The following ACOXL variants were observed in gnomAD, a reference collection of about 807,000 sequenced individuals.
ACOXL encodes acyl-CoA oxidase like, also known as acyl-coenzyme A oxidase-like protein.
In ACOXL, 70 loss-of-function variants were observed where a neutral mutation model predicts 71.9. That is an observed-to-expected ratio of 0.97 (90% CI 0.80 to 1.19). The LOEUF (loss-of-function observed/expected upper bound fraction) is 1.19, where lower values mean the gene tolerates loss of function less well. Among genes scored for constraint, ACOXL ranks in the 50% most tolerant of loss-of-function variants. The probability of loss-of-function intolerance (pLI) is 0.00; values close to 1 mark genes in which losing one functional copy is unlikely to be tolerated. For synonymous variants in ACOXL, 253 were observed against 281.6 expected (o/e 0.90, Z 1.02); for missense variants, 703 against 736.3 (o/e 0.95, Z 0.52).
chr2:111,045,742 G>A (rs2065988872), intron 15 of ACOXL, among the ~76,000 whole-genome samples: 1 of 152,174 alleles, frequency 6.6e-6, no homozygotes, highest in African/African-American at 2.4e-5. Context: ...GACATCTGGG[G>A]TGAGGGGAAA....
chr2:111,095,397 T>C (rs1248068012), intron 17 of ACOXL, among the ~76,000 whole-genome samples: 7 of 145,268 alleles, frequency 4.8e-5, no homozygotes, highest in South Asian at 4.5e-4. Context: ...TTTTCTTTTT[T>C]TTTTTTTTTT....
intron 1 of ACOXL, among the ~76,000 whole-genome samples, chr2:110,740,662 A>G (rs556539425): frequency 2.0e-5 from 3 of 152,322 alleles, no homozygotes; most frequent in African/African-American, 7.2e-5. Context: ...TTTTATGAGC[A>G]TTTATTGGAT....
intron 9 of ACOXL, among the ~76,000 whole-genome samples, chr2:110,827,401 G>A (rs936001915): frequency 1.3e-5 from 2 of 152,208 alleles, no homozygotes; most frequent in African/African-American, 4.8e-5. Flanking sequence ...GCTGGCATGT[G>A]GCGGGCCGTG....
At chr2:111,025,864 T>C (rs892963901) in intron 14 of ACOXL, among the ~76,000 whole-genome samples, 2 of 152,246 alleles carry the variant, frequency 1.3e-5, no homozygotes, top group African/African-American at 4.8e-5. Context: ...GGTTTTCATC[T>C]AGAAACTTTG....
intron 1 of ACOXL, among the ~76,000 whole-genome samples, chr2:110,741,490 A>G (rs1022135207): frequency 6.6e-6 from 1 of 152,194 alleles, no homozygotes; most frequent in Non-Finnish European, 1.5e-5. Context: ...GGGGGACACT[A>G]TTCAGCTTGT....
intron 11 of ACOXL, among the ~76,000 whole-genome samples, chr2:110,914,406 A>G (rs1053772509): frequency 4.6e-5 from 7 of 152,330 alleles, no homozygotes; most frequent in South Asian, 2.1e-4. Context: ...GTAATGTTTT[A>G]TAATTTACAG....
intron 12 of ACOXL, among the ~76,000 whole-genome samples, chr2:110,948,669 C>T (rs912459377): frequency 7.1e-6 from 1 of 141,020 alleles, no homozygotes; most frequent in Non-Finnish European, 1.5e-5. Flanking sequence ...TAAGACCACT[C>T]AGGAGCCAGG....
intron 9 of ACOXL, among the ~76,000 whole-genome samples, chr2:110,827,537 G>A (rs1689306945): frequency 6.6e-6 from 1 of 152,184 alleles, no homozygotes; most frequent in Admixed American, 6.5e-5. Context: ...TGGCCACTGA[G>A]CACTGAGAGT....
chr2:110,739,298 T>G (rs1677227750), intron 1 of ACOXL, among the ~76,000 whole-genome samples: 4 of 152,204 alleles, frequency 2.6e-5, no homozygotes, highest in Admixed American at 2.6e-4. Context: ...ATTCCTCCAG[T>G]GATGAATCTT....
intron 16 of ACOXL, among the ~76,000 whole-genome samples, chr2:111,075,736 T>A (rs532003169): frequency 1.3e-5 from 2 of 152,224 alleles, no homozygotes; most frequent in East Asian, 3.9e-4. Context: ...CTACTTTTCC[T>A]GCACCCCACA....
Position 111,050,115 on chromosome 2 carries a change from C to T in ACOXL, c.1440+827C>T, listed in dbSNP as rs191668659. On this transcript the variant is annotated intron_variant, in intron 16 of 17. Transcript: ENST00000439055. ...CTTCAGTGCTGTACCACCAGGAAAC[C>T]GCGTGCACCAGGAATTGCATTTCTT... 1.7e-3 allele frequency among the ~76,000 whole-genome samples: 262 copies of T among 152,182 alleles called. 2 individuals carry two copies. The highest frequency in any genetic ancestry group is 6.0e-3 in the African/African-American group (249 of 41,512).
At chr2:110,826,031 C>T (rs185452855) in intron 9 of ACOXL, among the ~76,000 whole-genome samples, 90 of 152,308 alleles carry the variant, frequency 5.9e-4, no homozygotes, top group African/African-American at 2.1e-3. Context: ...TACAAAAGGA[C>T]AGTGACAGCC....
chr2:111,022,074 C>T (rs780714208), intron 14 of ACOXL, among the ~76,000 whole-genome samples: 3 of 152,114 alleles, frequency 2.0e-5, no homozygotes, highest in South Asian at 2.1e-4. Flanking sequence ...ATAGGAAGGC[C>T]GGACGTGGTG....
intron 16 of ACOXL, among the ~76,000 whole-genome samples, chr2:111,084,987 C>T (rs1362527014): frequency 6.6e-6 from 1 of 150,496 alleles, no homozygotes; most frequent in Admixed American, 6.6e-5. Flanking sequence ...CAAAGAAGGA[C>T]ATTACACAAT....
At chr2:110,828,954 G>A (rs976647202) in intron 9 of ACOXL, among the ~76,000 whole-genome samples, 2 of 152,142 alleles carry the variant, frequency 1.3e-5, no homozygotes, top group Admixed American at 1.3e-4. Flanking sequence ...TGGGATTACA[G>A]GCATGCACCA....
intron 3 of ACOXL, among the ~76,000 whole-genome samples, chr2:110,789,512 T>G (rs1684402862): frequency 6.6e-6 from 1 of 152,166 alleles, no homozygotes; most frequent in Non-Finnish European, 1.5e-5. Flanking sequence ...CAGGTTCCAG[T>G]GAGGGCCCTT....
chr2:110,865,440 C>CTATG (rs1448510460), intron 10 of ACOXL, among the ~76,000 whole-genome samples: 1 of 152,190 alleles, frequency 6.6e-6, no homozygotes, highest in East Asian at 1.9e-4. Context: ...CATTCTGAAA[C>CTATG]TATGCATGGG....
intron 17 of ACOXL, among the ~76,000 whole-genome samples, chr2:111,104,680 G>T (rs955801775): frequency 6.6e-6 from 1 of 151,978 alleles, no homozygotes; most frequent in Non-Finnish European, 1.5e-5. Flanking sequence ...TTTCTAATTG[G>T]ATTGTTATTT....
At chr2:111,003,549 T>TGAAAAAAAA (rs1325742247) in intron 14 of ACOXL, among the ~76,000 whole-genome samples, 1 of 2,756 alleles carries the variant, frequency 3.6e-4, no homozygotes, top group Non-Finnish European at 1.0e-3. Flanking sequence ...AGACTCTGTC[T>TGAAAAAAAA]CAAAAAAAAA....
Sources: gnomAD v4.1 joint callset for allele counts (sites outside exome capture counted in the v4.1 genomes callset) on GRCh38, gnomAD v4.1.1 for gene constraint, MANE v1.5 for transcripts, NCBI Gene and HGNC (gene_info 2026-07-23, HGNC 2026-07-21) for gene names.